Variants in EPS8L1 observed in about 807,000 individuals in gnomAD.
EPS8L1 encodes the protein epidermal growth factor receptor kinase substrate 8-like protein 1.
In EPS8L1, 101 loss-of-function variants were observed where a neutral mutation model predicts 91.7. The observed-to-expected ratio is 1.10, with a 90% confidence interval of 0.94 to 1.30. EPS8L1 has a LOEUF of 1.30. EPS8L1 is among the 50% of genes most tolerant of loss of function. The probability of loss-of-function intolerance (pLI) is 0.00; values close to 1 mark genes in which losing one functional copy is unlikely to be tolerated. For synonymous variants in EPS8L1, 506 were observed against 445.3 expected (o/e 1.14, Z -1.72); for missense variants, 1,114 against 1,017.0 (o/e 1.10, Z -1.30).
chr19:55,087,689 G>A lies in EPS8L1; in HGVS notation c.*75G>A. 6.7e-7 allele frequency: 1 copy of A among 1,489,034 alleles called. No individual in the cohort carries two copies. The highest frequency in any genetic ancestry group is 9.3e-7 in the Non-Finnish European group (1 of 1,078,704). 92.2% of individuals were successfully genotyped at this position (1,489,034 alleles called of 1,614,324 possible). On this transcript the variant is annotated 3_prime_UTR_variant, in exon 20 of 20. Coordinates refer to ENST00000201647, the MANE Select transcript of EPS8L1 (RefSeq NM_133180.3). Reference sequence around the variant, plus strand: ...ACTCCTCAGACTCTCCCCAATAGCGGAAGTCGATCTTCTGAAGGATGGCCA... The same window carrying A: ...ACTCCTCAGACTCTCCCCAATAGCGAAAGTCGATCTTCTGAAGGATGGCCA...
rs764242742 is a variant in EPS8L1, at chr19:55,086,806, C to A, written c.1870C>A (p.Arg624Ser). 14 of 1,594,282 alleles carry A rather than the reference C, an allele frequency of 8.8e-6. No individual in the cohort carries two copies. Among genetic ancestry groups the A allele is most frequent in the Non-Finnish European group, 6.0e-6 (7 of 1,171,528 alleles). Residue 624 changes from arginine to serine, a missense_variant, in exon 18 of 20, where the codon CGC becomes AGC. Physicochemically the swap from Arg to Ser is moderately radical, Grantham distance 110. Transcript: ENST00000201647. ...SGPSRAVPGP[R>S]APEPQLSPGS... ...ACCGAGCCGCGCAGTCCCAGGGCCCCGCGCCCCGGAACCGCAGCTCAGCCC... is the reference window on the plus strand; with the variant it reads ...ACCGAGCCGCGCAGTCCCAGGGCCCAGCGCCCCGGAACCGCAGCTCAGCCC...
chr19:55,083,696 G>A lies in EPS8L1; in HGVS notation c.1385+52G>A, dbSNP rs774430968. On this transcript the variant is annotated intron_variant, in intron 14 of 19. Transcript: ENST00000201647. The surrounding 1 kb of genome is among the most constrained non-coding windows in gnomAD (Gnocchi z 4.7). ...AGGGGGTCAAGGAGGGGTGCGTCCCGGGGGCTCCCGATGCTGACTCCGCCC... is the reference window on the plus strand; with the variant it reads ...AGGGGGTCAAGGAGGGGTGCGTCCCAGGGGCTCCCGATGCTGACTCCGCCC... The A allele has an allele frequency of 3.8e-6, 6 of 1,569,020 alleles. No individual in the cohort carries two copies. In the African/African-American group the frequency reaches 5.4e-5, roughly 14 times the overall value.
chr19:55,085,082 A>G (rs1041788935), intron 14 of EPS8L1, among the ~76,000 whole-genome samples: 3 of 152,194 alleles, frequency 2.0e-5, no homozygotes, highest in Non-Finnish European at 4.4e-5. Context: ...GTCCAAATTC[A>G]TGGTTCTACC....
chr19:55,087,517 C>T lies in EPS8L1; in HGVS notation c.2086-11C>T, dbSNP rs1434955165. ...ACGCCAGGACAAAGCGATTTCCACC[C>T]CGCCCTCCAGGACAAAGAGAAAGTG... On this transcript the variant is annotated splice_polypyrimidine_tract_variant and intron_variant, in intron 19 of 19. Transcript: ENST00000201647. 6 of 1,614,018 alleles carry T rather than the reference C, an allele frequency of 3.7e-6. No homozygotes were observed. In the East Asian group the frequency reaches 6.7e-5, roughly 18 times the overall value.
rs1225492733 is a variant in EPS8L1, at chr19:55,079,751, G to A, written c.179G>A (p.Arg60Lys). The A allele has an allele frequency of 1.2e-6, 2 of 1,614,178 alleles. No individual in the cohort carries two copies. The highest frequency in any genetic ancestry group is 1.7e-5 in the Admixed American group (1 of 60,016). Residue 60 changes from arginine (R) to lysine (K), a missense_variant, in exon 5 of 20, where the codon AGG (arginine) becomes AAG (lysine). By Grantham distance (26) the Arg-to-Lys change is conservative. Coordinates refer to ENST00000201647, the MANE Select transcript of EPS8L1 (RefSeq NM_133180.3). ...GTGCATACCGTGGAGGATGCCTCCA[G>A]GAAGTTGGCCGTCATGGATAGCCAG... ...DGVHTVEDAS[R>K]KLAVMDSQGR...
Position 55,082,299 on chromosome 19 carries a change from G to T in EPS8L1, c.1015G>T (p.Asp339Tyr). 1.9e-6 allele frequency: 3 copies of T among 1,612,244 alleles called. No individual in the cohort carries two copies. Among genetic ancestry groups the T allele is most frequent in the Non-Finnish European group, 2.5e-6 (3 of 1,179,702 alleles). The change falls in exon 11 of 20, where the codon GAC becomes TAC. Residue 339 changes from aspartate (D) to tyrosine (Y), a missense_variant. Coordinates refer to ENST00000201647, the MANE Select transcript of EPS8L1 (RefSeq NM_133180.3). ...LLARLRGNIA[D>Y]PSSPELLHFL... is the part of the protein sequence containing the mutation. ...GGCCCGGCTGCGCGGCAACATCGCC[G>T]ACCCCTCCTCTCCGGAGCTGTTGCA...
At chr19:55,077,729 C>T (rs901184133) in intron 2 of EPS8L1, among the ~76,000 whole-genome samples, 1 of 150,884 alleles carries the variant, frequency 6.6e-6, no homozygotes, top group African/African-American at 2.4e-5. Flanking sequence ...GCTGGCACTA[C>T]AGGCGCCCAC....
At chr19:55,082,221 C>T (rs1568788955) in intron 10 of EPS8L1, 41 bp downstream of exon 10, 2 of 1,593,638 alleles carry the variant, frequency 1.3e-6, no homozygotes. Context: ...GCGGGCACGA[C>T]GAACCTGTCC....
Position 55,087,572 on chromosome 19 carries a change from AAAG to A in EPS8L1, c.2137_2139del (p.Lys713del), listed in dbSNP as rs755272090. On this transcript the variant is annotated inframe_deletion, in exon 20 of 20. Coordinates refer to ENST00000201647, the MANE Select transcript of EPS8L1 (RefSeq NM_133180.3). ...AGCTGGAGGCAGTGATGGAGAAGCA[AAAG>A]AAGAAGGTGGAAGGCGAGGTGGAAA... 5.0e-5 allele frequency: 80 copies of A among 1,614,018 alleles called. No homozygotes were observed. The highest frequency in any genetic ancestry group is 4.2e-4 in the South Asian group (38 of 91,094).
At position 55,087,391 on chromosome 19, in the gene EPS8L1, G is replaced by C; in HGVS notation, c.2041G>C (p.Ala681Pro). The change falls in exon 19 of 20, where the codon GCA (alanine) becomes CCA (proline). Residue 681 changes from alanine to proline, a missense_variant. Coordinates refer to ENST00000201647, the MANE Select transcript of EPS8L1 (RefSeq NM_133180.3). ...ELRAVSPEEG[A>P]RVYSQVTVQR... ...GCGGGCGGTGAGCCCCGAGGAGGGG[G>C]CACGTGTGTACAGCCAGGTCACCGT... 1 of 1,613,574 alleles carries C rather than the reference G, an allele frequency of 6.2e-7. No individual in the cohort carries two copies. The highest frequency in any genetic ancestry group is 8.5e-7 in the Non-Finnish European group (1 of 1,179,680).
chr19:55,086,956 C>T, intron 18 of EPS8L1, 68 bp downstream of exon 18: 1 of 1,398,888 alleles, frequency 7.1e-7, no homozygotes, highest in Non-Finnish European at 9.2e-7. Context: ...TTCCGATCGG[C>T]CGGGAGTCGG....
intron 2 of EPS8L1, among the ~76,000 whole-genome samples, chr19:55,076,678 C>G (rs566750393): frequency 6.6e-6 from 1 of 152,228 alleles, no homozygotes; most frequent in Non-Finnish European, 1.5e-5. Flanking sequence ...AGCTCCAGTT[C>G]GGCCCTCACA....
chr19:55,084,050 G>T, intron 14 of EPS8L1: 1 of 400,848 alleles, frequency 2.5e-6, no homozygotes, highest in South Asian at 2.8e-5. Context: ...GAGAGGCTGG[G>T]GAATTGGACC....
chr19:55,086,636 C>CCCCCCCCCCCCCCCCCCCGGGCCCCCCGG, intron 17 of EPS8L1, 78 bp from the exon 18 acceptor site: 1 of 956,964 alleles, frequency 1.0e-6, no homozygotes, highest in Non-Finnish European at 1.4e-6. Flanking sequence ...CGCTGGAGCG[C>CCCCCCCCCCCCCCCCCCCGGGCCCCCCGG]CCCCCCGCCC....
At position 55,081,025 on chromosome 19, in the gene EPS8L1, C is replaced by G. The variant is rs192161226; in HGVS notation, c.512+171C>G. The G allele has an allele frequency of 7.2e-3, 6,486 of 904,518 alleles. 36 individuals are homozygous for G. Among genetic ancestry groups the G allele is most frequent in the Non-Finnish European group, 8.7e-3 (5,329 of 613,462 alleles). 56.0% of individuals were successfully genotyped at this position (904,518 alleles called of 1,614,324 possible). A position where few individuals can be genotyped will look rare whatever the true frequency, so the allele number is the denominator to read the frequency against. On this transcript the variant is annotated intron_variant, in intron 7 of 19. Transcript: ENST00000201647. This position sits in a 1 kb window ranked among gnomAD's most constrained non-coding sequence, Gnocchi z 4.9. The stretch of plus-strand genomic sequence containing the variant: ...AGCTGACCCCTTCTCCAGAACTCTG[C>G]TTCTTTTCTCTGTTCCCTGTCCAGG...
chr19:55,086,639 CCCCG>C, intron 17 of EPS8L1, 71 bp from the exon 18 acceptor site: 4 of 1,436,912 alleles, frequency 2.8e-6, no homozygotes, highest in East Asian at 2.4e-5. Flanking sequence ...TGGAGCGCCC[CCCCG>C]CCCCGCCCTC....
chr19:55,082,102 G>A lies in EPS8L1; in HGVS notation c.912G>A (p.Leu304=), dbSNP rs1378011799. 1 of 1,594,184 alleles carries A rather than the reference G, an allele frequency of 6.3e-7. No individual in the cohort carries two copies. The highest frequency in any genetic ancestry group is 1.8e-5 in the Admixed American group (1 of 56,956). ...GTCTGCTCCCCTCAGAGGGCTTGCT[G>A]ACGCTGCGGGCCAAGCCGCCCTCGG... ...SRRRAAGEGL[L]TLRAKPPSEA... The change falls in exon 10 of 20, where the codon CTG becomes CTA. Residue 304 remains leucine (L), a synonymous_variant. Coordinates refer to ENST00000201647, the MANE Select transcript of EPS8L1 (RefSeq NM_133180.3).
Position 55,079,075 on chromosome 19 carries a change from G to T in EPS8L1, c.117+18G>T. 1 of 1,613,728 alleles carries T rather than the reference G, an allele frequency of 6.2e-7. No homozygotes were observed. The highest frequency in any genetic ancestry group is 8.5e-7 in the Non-Finnish European group (1 of 1,179,664). The stretch of plus-strand genomic sequence containing the variant: ...CAGTCAATGTGAGTCTGGGGTCTGT[G>T]TTCCCCCAGGACATCTTCTGGGGCA... On this transcript the variant is annotated intron_variant, in intron 4 of 19. Coordinates refer to ENST00000201647, the MANE Select transcript of EPS8L1 (RefSeq NM_133180.3).
Position 55,083,360 on chromosome 19 carries a change from C to T in EPS8L1, c.1215-18C>T. On this transcript the variant is annotated intron_variant, in intron 12 of 19. Coordinates refer to ENST00000201647, the MANE Select transcript of EPS8L1 (RefSeq NM_133180.3). The surrounding 1 kb of genome is among the most constrained non-coding windows in gnomAD (Gnocchi z 4.7). ...TGTATCAGGATCCCTGAGCTCTTGG[C>T]CCTGTCCCTGGCCGCAGGCTGGAGC... 2 of 1,610,984 alleles carry T rather than the reference C, an allele frequency of 1.2e-6. No homozygotes were observed. The highest frequency in any genetic ancestry group is 1.3e-5 in the African/African-American group (1 of 74,980).
Sources: gnomAD v4.1 joint callset for allele counts (sites outside exome capture counted in the v4.1 genomes callset) on GRCh38, gnomAD v4.1.1 for gene constraint, Gnocchi (gnomAD v3.1) non-coding constraint, MANE v1.5 for transcripts, NCBI Gene and HGNC (gene_info 2026-07-23, HGNC 2026-07-21) for gene names.